The following AUTS2 variants were observed in gnomAD, a reference collection of about 807,000 sequenced individuals.
AUTS2 encodes the protein autism susceptibility gene 2 protein.
Under a neutral mutation model 112.4 loss-of-function variants are expected in AUTS2, and 17 were observed. The ratio of observed to expected loss-of-function variants is 0.15; its 90% CI spans 0.10 to 0.23. The LOEUF is 0.23. AUTS2 is among the 10% of genes least tolerant of loss of function. The pLI, the probability that AUTS2 is intolerant of heterozygous loss-of-function variation, is 1.00. For missense variants in AUTS2, 1,510 were observed against 1,701.6 expected, an observed-to-expected ratio of 0.89 and a Z score of 1.98; for synonymous variants, 751 against 702.7, an observed-to-expected ratio of 1.07 and a Z score of -1.09.
chr7:70,604,177 C>T (rs1406284437), intron 5 of AUTS2, among the ~76,000 whole-genome samples: 1 of 152,236 alleles, frequency 6.6e-6, no homozygotes, highest in Admixed American at 6.5e-5. Context: ...TGTCATTCCT[C>T]TCCACAGAAT....
chr7:70,123,528 G>A (rs1805799969), intron 3 of AUTS2, among the ~76,000 whole-genome samples: 1 of 152,074 alleles, frequency 6.6e-6, no homozygotes, highest in Non-Finnish European at 1.5e-5. Context: ...AGACCCTAGT[G>A]TCTGTTGTTT....
Position 70,380,994 on chromosome 7 carries a change from T to C in AUTS2, c.661-54758T>C, listed in dbSNP as rs141654405. ...TTAACATAGAAGAGTATAGGATAAA[T>C]ACCTCTTATGGAGATGGTCAGATTC... On this transcript the variant is annotated intron_variant, in intron 4 of 18. Transcript: ENST00000342771. 5.2e-4 allele frequency among the ~76,000 whole-genome samples: 79 copies of C among 152,340 alleles called. 2 individuals are homozygous for C. Among genetic ancestry groups the C allele is most frequent in the African/African-American group, 1.9e-3 (78 of 41,570 alleles).
At chr7:70,617,715 G>C (rs897642684) in intron 5 of AUTS2, among the ~76,000 whole-genome samples, 5 of 152,100 alleles carry the variant, frequency 3.3e-5, no homozygotes, top group Non-Finnish European at 7.4e-5. Context: ...GACCGAGGGA[G>C]AGGAGGAAGG....
chr7:70,599,993 A>G (rs1011460099), intron 5 of AUTS2, among the ~76,000 whole-genome samples: 2 of 152,166 alleles, frequency 1.3e-5, no homozygotes, highest in African/African-American at 4.8e-5. Context: ...CAGGACCTTC[A>G]GCACCCCGGG....
intron 2 of AUTS2, among the ~76,000 whole-genome samples, chr7:70,028,067 C>T (rs1800603995): frequency 6.6e-6 from 1 of 151,194 alleles, no homozygotes; most frequent in African/African-American, 2.4e-5. Flanking sequence ...TCTGTCCGCC[C>T]CCCCCACCCT....
rs76041259 is a variant in AUTS2 at position 69,818,741 on chromosome 7, A to G, written c.310-80545A>G. ...TGTGTTTTCCAAAAATAATTGGAGA[A>G]TAATAATAATGTGGCTGGCGATAAA... On this transcript the variant is annotated intron_variant, in intron 1 of 18. Transcript: ENST00000342771. Among the ~76,000 whole-genome samples the G allele has an allele frequency of 4.6e-5, 7 of 152,330 alleles. No individual in the cohort carries two copies. The East Asian group carries it at 1.3e-3, about 29-fold the overall frequency.
At chr7:70,115,039 T>C (rs566516078) in intron 2 of AUTS2, among the ~76,000 whole-genome samples, 76 of 152,274 alleles carry the variant, frequency 5.0e-4, no homozygotes, top group African/African-American at 1.8e-3. Flanking sequence ...TTCACTGAAG[T>C]GTTTTTTGCT....
intron 2 of AUTS2, among the ~76,000 whole-genome samples, chr7:69,960,907 T>G (rs12698826): frequency 0.23 from 35,051 of 152,036 alleles, 4,114 homozygotes; most frequent in Middle Eastern, 0.33. Context: ...TTTGCACTTT[T>G]GGGATTTGTT....
intron 5 of AUTS2, among the ~76,000 whole-genome samples, chr7:70,690,250 A>AT (rs1409361930): frequency 1.3e-5 from 2 of 152,350 alleles, no homozygotes; most frequent in African/African-American, 4.8e-5. Context: ...AGAAACTTGG[A>AT]TTTTCAGAGC....
chr7:69,944,751 C>T (rs1796747288), intron 2 of AUTS2, among the ~76,000 whole-genome samples: 2 of 152,138 alleles, frequency 1.3e-5, no homozygotes, highest in Non-Finnish European at 2.9e-5. Flanking sequence ...ACGAGGCACA[C>T]TTTCTTTTAA....
intron 3 of AUTS2, among the ~76,000 whole-genome samples, chr7:70,124,781 T>G (rs758954500): frequency 2.8e-4 from 42 of 152,158 alleles, no homozygotes; most frequent in Non-Finnish European, 4.7e-4. Context: ...CAGGATGGTC[T>G]CAAACTCCTG....
chr7:70,104,334 T>G (rs1227403612), intron 2 of AUTS2, among the ~76,000 whole-genome samples: 1 of 152,176 alleles, frequency 6.6e-6, no homozygotes, highest in East Asian at 1.9e-4. Context: ...AAAGCCATTG[T>G]AAGGATAAAT....
At chr7:69,888,919 T>C (rs1794399474) in intron 1 of AUTS2, among the ~76,000 whole-genome samples, 1 of 152,078 alleles carries the variant, frequency 6.6e-6, no homozygotes, top group Admixed American at 6.6e-5. Flanking sequence ...AAATAAACTA[T>C]AACAGAAATA....
intron 5 of AUTS2, among the ~76,000 whole-genome samples, chr7:70,633,336 G>A (rs1171289338): frequency 6.6e-6 from 1 of 152,130 alleles, no homozygotes; most frequent in East Asian, 1.9e-4. Flanking sequence ...ACAGAACATG[G>A]GCCAGGTGCA....
intron 1 of AUTS2, among the ~76,000 whole-genome samples, chr7:69,717,459 G>A (rs572323658): frequency 6.6e-6 from 1 of 152,260 alleles, no homozygotes; most frequent in Non-Finnish European, 1.5e-5. Context: ...TAGCATTTCA[G>A]CCGTTCTAAT....
At chr7:70,211,538 A>C (rs1238146494) in intron 4 of AUTS2, among the ~76,000 whole-genome samples, 1 of 150,826 alleles carries the variant, frequency 6.6e-6, no homozygotes, top group African/African-American at 2.4e-5. Context: ...AGTCCCAGCT[A>C]CTCGGAAGGC....
chr7:69,922,770 T>TTA (rs1795864392), intron 2 of AUTS2, among the ~76,000 whole-genome samples: 1 of 152,176 alleles, frequency 6.6e-6, no homozygotes, highest in South Asian at 2.1e-4. Context: ...TTCAGACTTG[T>TTA]TAACATAGCG....
At chr7:70,181,725 G>A (rs1455642792) in intron 4 of AUTS2, among the ~76,000 whole-genome samples, 1 of 150,312 alleles carries the variant, frequency 6.7e-6, no homozygotes, top group Non-Finnish European at 1.5e-5. Flanking sequence ...CTGACCTCAG[G>A]TGATCCGCCC....
intron 2 of AUTS2, among the ~76,000 whole-genome samples, chr7:69,990,936 T>C (rs1255544631): frequency 6.6e-6 from 1 of 152,238 alleles, no homozygotes; most frequent in Non-Finnish European, 1.5e-5. Context: ...CCTCAATCTC[T>C]GTGGTTTAAG....
Sources: allele counts gnomAD v4.1 joint callset (sites outside exome capture counted in the v4.1 genomes callset), GRCh38; gene constraint gnomAD v4.1.1; transcripts MANE v1.5; gene names NCBI Gene and HGNC (gene_info 2026-07-23, HGNC 2026-07-21).